SH3GL3: variants seen among roughly 807,000 people sequenced by gnomAD.
SH3GL3 encodes the protein endophilin-A3.
A neutral mutation model predicts 47.7 loss-of-function variants in SH3GL3; 33 were observed. The observed-to-expected ratio is 0.69, with a 90% CI of 0.52 to 0.92. SH3GL3 has a LOEUF of 0.92. Ranked by LOEUF, SH3GL3 falls within the 40% of genes least tolerant of loss-of-function variation. The pLI is 0.00. For missense variants in SH3GL3, 363 were observed against 417.8 expected, an observed-to-expected ratio of 0.87 and a Z score of 1.14; for synonymous variants, 155 against 148.8, an observed-to-expected ratio of 1.04 and a Z score of -0.30.
intron 1 of SH3GL3, among the ~76,000 whole-genome samples, chr15:83,508,640 C>T (rs533482133): frequency 9.5e-4 from 144 of 151,996 alleles, no homozygotes; most frequent in Non-Finnish European, 1.7e-3. Flanking sequence ...TGCAGTGGCA[C>T]GATCTCAGCT....
At chr15:83,505,088 G>A (rs369224632) in intron 1 of SH3GL3, among the ~76,000 whole-genome samples, 8 of 152,056 alleles carry the variant, frequency 5.3e-5, no homozygotes, top group East Asian at 1.9e-4. Context: ...GAGATTCATT[G>A]TATGAATACA....
At chr15:83,530,551 G>T (rs2043622822) in intron 1 of SH3GL3, among the ~76,000 whole-genome samples, 1 of 151,182 alleles carries the variant, frequency 6.6e-6, no homozygotes, top group South Asian at 2.1e-4. Flanking sequence ...TTTTGGGGAG[G>T]TGGTGAGTGC....
chr15:83,630,285 T>G, the SH3GL3 span, among the ~76,000 whole-genome samples: 2 of 152,314 alleles, frequency 1.3e-5, no homozygotes, highest in Non-Finnish European at 2.9e-5. Context: ...TCTTCATAAT[T>G]TCTTAGGCCA....
At chr15:83,464,004 C>T (rs937633719) in intron 1 of SH3GL3, among the ~76,000 whole-genome samples, 9 of 152,008 alleles carry the variant, frequency 5.9e-5, no homozygotes, top group Non-Finnish European at 1.2e-4. Flanking sequence ...TCAGGTGATC[C>T]GCCCGCCTCG....
intron 1 of SH3GL3, among the ~76,000 whole-genome samples, chr15:83,480,168 G>A (rs746674656): frequency 5.3e-5 from 8 of 152,016 alleles, no homozygotes; most frequent in African/African-American, 1.4e-4. Context: ...CAACAAAAAC[G>A]CAATCTGTTT....
intron 1 of SH3GL3, among the ~76,000 whole-genome samples, chr15:83,512,554 G>T (rs376637536): frequency 6.6e-6 from 1 of 152,138 alleles, no homozygotes; most frequent in East Asian, 1.9e-4. Flanking sequence ...GGGCTTTCCT[G>T]CACATTAGAA....
chr15:83,614,707 A>G (rs955853356), intron 8 of SH3GL3, among the ~76,000 whole-genome samples: 1 of 152,130 alleles, frequency 6.6e-6, no homozygotes, highest in East Asian at 1.9e-4. Context: ...CCTTGGTACA[A>G]CCTGGGGAGC....
At chr15:83,521,294 TGGAAG>T (rs2043190986) in intron 1 of SH3GL3, among the ~76,000 whole-genome samples, 1 of 152,128 alleles carries the variant, frequency 6.6e-6, no homozygotes, top group Non-Finnish European at 1.5e-5. Flanking sequence ...GTATTTCACA[TGGAAG>T]GGATTTCATA....
At position 83,447,738 on chromosome 15, in the gene SH3GL3, C is replaced by A. The variant is rs62027509; in HGVS notation, c.45+160C>A. ...CGAGGGTGGGGTGAGGGGCCGCCTG[C>A]TCTCTCCTCGGCGTCTTGGCGCCTT... On this transcript the variant is annotated intron_variant, in intron 1 of 8. Transcript: ENST00000427482. The surrounding 1 kb of genome is among the most constrained non-coding windows in gnomAD (Gnocchi z 5.1). Among the ~76,000 whole-genome samples the A allele has an allele frequency of 0.19, 28,580 of 152,088 alleles. 2,938 individuals carry two copies. The highest frequency in any genetic ancestry group is 0.3 in the Middle Eastern group (88 of 294).
chr15:83,472,327 G>A lies in SH3GL3; in HGVS notation c.45+24749G>A, dbSNP rs531201122. 4.5e-4 allele frequency among the ~76,000 whole-genome samples: 69 copies of A among 152,220 alleles called. No homozygotes were observed. The South Asian group carries it at 0.014, about 31-fold the overall frequency. On this transcript the variant is annotated intron_variant, in intron 1 of 8. Coordinates refer to ENST00000427482, the MANE Select transcript of SH3GL3 (RefSeq NM_003027.5). ...TTCTTTTCCCTTCTCTTATTGGAAC[G>A]CTGATGACATGAATGTTAGGTCCTT...
chr15:83,512,222 G>A (rs1341501220), intron 1 of SH3GL3, among the ~76,000 whole-genome samples: 1 of 152,132 alleles, frequency 6.6e-6, no homozygotes, highest in Non-Finnish European at 1.5e-5. Context: ...GTGGGACTGA[G>A]GGTGAGATCG....
At chr15:83,631,157 T>C in the SH3GL3 span, among the ~76,000 whole-genome samples, 1 of 152,196 alleles carries the variant, frequency 6.6e-6, no homozygotes, top group Non-Finnish European at 1.5e-5. Flanking sequence ...TGATTCCATG[T>C]CTCACATCCA....
At chr15:83,490,265 GT>G (rs1196742768) in intron 1 of SH3GL3, among the ~76,000 whole-genome samples, 2,130 of 133,064 alleles carry the variant, frequency 0.016, 30 homozygotes, top group African/African-American at 0.04. Flanking sequence ...GTGATTTTGC[GT>G]TTTTTTTTTT....
At chr15:83,593,299 T>C (rs1261711010) in intron 8 of SH3GL3, among the ~76,000 whole-genome samples, 2 of 152,244 alleles carry the variant, frequency 1.3e-5, no homozygotes, top group East Asian at 3.8e-4. Context: ...ATTGATAGCT[T>C]AACAATATTG....
chr15:83,484,115 C>T (rs368683152), intron 1 of SH3GL3, among the ~76,000 whole-genome samples: 19 of 152,162 alleles, frequency 1.2e-4, no homozygotes, highest in African/African-American at 4.3e-4. Context: ...TCTCAAATGA[C>T]CCTCTTTAAT....
At chr15:83,575,948 G>A (rs1380613826) in intron 5 of SH3GL3, among the ~76,000 whole-genome samples, 2 of 152,100 alleles carry the variant, frequency 1.3e-5, no homozygotes, top group Non-Finnish European at 2.9e-5. Context: ...GCTACGCAAG[G>A]CAGCCTGTTC....
At chr15:83,496,274 G>C (rs1292326385) in intron 1 of SH3GL3, among the ~76,000 whole-genome samples, 1 of 150,712 alleles carries the variant, frequency 6.6e-6, no homozygotes, top group Non-Finnish European at 1.5e-5. Context: ...TGGGAGAATT[G>C]CTTGAACCCA....
At chr15:83,478,513 C>T (rs1001760009) in intron 1 of SH3GL3, among the ~76,000 whole-genome samples, 2 of 152,196 alleles carry the variant, frequency 1.3e-5, no homozygotes, top group Admixed American at 1.3e-4. Flanking sequence ...TTATTTGGCT[C>T]AATTCTAACT....
chr15:83,572,496 A>G (rs2059568517), intron 4 of SH3GL3, 69 bp from the exon 5 acceptor site: 7 of 1,338,674 alleles, frequency 5.2e-6, no homozygotes, highest in Non-Finnish European at 6.2e-6. Context: ...TAAAGAATGA[A>G]ATAAATAGCA....
Sources: allele counts gnomAD v4.1 joint callset (sites outside exome capture counted in the v4.1 genomes callset), GRCh38; gene constraint gnomAD v4.1.1; non-coding constraint Gnocchi (gnomAD v3.1); transcripts MANE v1.5; gene names NCBI Gene and HGNC (gene_info 2026-07-23, HGNC 2026-07-21).